The following XPO4 variants were observed in gnomAD, a reference collection of about 807,000 sequenced individuals.
XPO4 encodes the protein exportin-4.
A neutral mutation model predicts 143.0 loss-of-function variants in XPO4; 39 were observed. The observed-to-expected ratio is 0.27, with a 90% CI of 0.21 to 0.36. The LOEUF is 0.36. Ranked by LOEUF, XPO4 falls within the 10% of genes least tolerant of loss-of-function variation. The pLI, the probability that XPO4 is intolerant of heterozygous loss-of-function variation, is 1.00. For missense variants in XPO4, 907 were observed against 1,348.0 expected (o/e 0.67, Z 5.12); for synonymous variants, 439 against 474.0 (o/e 0.93, Z 0.96).
chr13:20,827,588 G>T (rs1652681244), intron 6 of XPO4, among the ~76,000 whole-genome samples: 1 of 152,074 alleles, frequency 6.6e-6, no homozygotes, highest in African/African-American at 2.4e-5. Flanking sequence ...TATACAAAAT[G>T]TGAGTTTCAT....
chr13:20,865,227 C>T (rs1381532964), intron 2 of XPO4, among the ~76,000 whole-genome samples: 1 of 152,006 alleles, frequency 6.6e-6, no homozygotes, highest in Non-Finnish European at 1.5e-5. Flanking sequence ...CAACCTCTGC[C>T]TCCCGGGTTC....
At chr13:20,872,075 G>C (rs994288958) in intron 1 of XPO4, among the ~76,000 whole-genome samples, 1 of 152,082 alleles carries the variant, frequency 6.6e-6, no homozygotes, top group South Asian at 2.1e-4. Flanking sequence ...CAGACAGTCC[G>C]GGAAACCTTT....
chr13:20,881,497 C>T (rs181895772), intron 1 of XPO4, among the ~76,000 whole-genome samples: 376 of 152,174 alleles, frequency 2.5e-3, no homozygotes, highest in African/African-American at 8.2e-3. Flanking sequence ...GCCTCGATCT[C>T]CTGACCTCAT....
At chr13:20,825,372 TAACTAA>T (rs1201272743) in intron 7 of XPO4, among the ~76,000 whole-genome samples, 1 of 152,214 alleles carries the variant, frequency 6.6e-6, no homozygotes, top group African/African-American at 2.4e-5. Context: ...TAAATTCATA[TAACTAA>T]AACTAAATTT....
At chr13:20,801,135 TA>T in intron 13 of XPO4, 145 bp from the exon 14 acceptor site, 1 of 883,248 alleles carries the variant, frequency 1.1e-6, no homozygotes, top group East Asian at 2.7e-5. Flanking sequence ...TACAGAGTTT[TA>T]GACAACTGTC....
At chr13:20,902,582 C>G in intron 1 of XPO4, 88 bp downstream of exon 1, 1 of 1,406,510 alleles carries the variant, frequency 7.1e-7, no homozygotes, top group Non-Finnish European at 9.3e-7. Flanking sequence ...CCTTGCCAGT[C>G]GCCAGCCCAG....
chr13:20,871,480 G>C (rs570840288), intron 1 of XPO4, among the ~76,000 whole-genome samples: 1 of 152,284 alleles, frequency 6.6e-6, no homozygotes, highest in East Asian at 1.9e-4. Context: ...CCACCACACA[G>C]GGCTAATTTT....
chr13:20,822,250 C>A lies in XPO4; in HGVS notation c.880G>T (p.Asp294Tyr). The A allele has an allele frequency of 6.2e-7, 1 of 1,613,450 alleles. No individual in the cohort carries two copies. Among genetic ancestry groups the A allele is most frequent in the Non-Finnish European group, 8.5e-7 (1 of 1,179,724 alleles). Reference protein sequence around the residue: ...KIREDSDMAQDSLQCLAQLAS... With the variant: ...KIREDSDMAQYSLQCLAQLAS... ...AACTGGGCAAGGCACTGCAGAGAAT[C>A]TTGTGCCATATCTGAATCTTCTCTG... Residue 294 changes from aspartate (D) to tyrosine (Y), a missense_variant, in exon 8 of 23, where the codon GAT becomes TAT. By Grantham distance (160) the Asp-to-Tyr change is radical. Coordinates refer to ENST00000255305, the MANE Select transcript of XPO4 (RefSeq NM_022459.5).
chr13:20,834,641 G>T (rs746640192), intron 6 of XPO4, among the ~76,000 whole-genome samples: 30 of 131,668 alleles, frequency 2.3e-4, no homozygotes, highest in South Asian at 5.7e-4. Context: ...AGTGTTGAAA[G>T]AAATAAAAAA....
At chr13:20,886,159 C>T (rs1337096551) in intron 1 of XPO4, among the ~76,000 whole-genome samples, 1 of 152,164 alleles carries the variant, frequency 6.6e-6, no homozygotes, top group Non-Finnish European at 1.5e-5. Context: ...ACTGACAACA[C>T]ACTAGACTGT....
intron 21 of XPO4, 88 bp downstream of exon 21, chr13:20,787,393 G>C: frequency 1.6e-6 from 2 of 1,252,010 alleles, no homozygotes; most frequent in South Asian, 2.5e-5. Context: ...AAGAATGGAA[G>C]CATTTCCTCA....
At chr13:20,791,610 G>C (rs976568230) in intron 18 of XPO4, among the ~76,000 whole-genome samples, 1 of 152,170 alleles carries the variant, frequency 6.6e-6, no homozygotes, top group African/African-American at 2.4e-5. Flanking sequence ...AATTTAGTTC[G>C]CAGCTTGCCA....
chr13:20,799,088 A>G, intron 16 of XPO4, 77 bp downstream of exon 16: 1 of 1,322,520 alleles, frequency 7.6e-7, no homozygotes, highest in South Asian at 1.9e-5. Flanking sequence ...GTCTCCAGAG[A>G]CTCTTACGGC....
Position 20,852,082 on chromosome 13 carries a change from T to C in XPO4, c.456+3545A>G, listed in dbSNP as rs573096055. On this transcript the variant is annotated intron_variant, in intron 4 of 22. Transcript: ENST00000255305. ...CGCCGTCCCAGTGCCAACAAGCTAC[T>C]TGTAGGGGGTGAGGGCAGGCCGCAT... The C allele has an allele frequency of 1.2e-5, 12 of 985,404 alleles. No individual in the cohort carries two copies. In the African/African-American group the frequency reaches 1.9e-4, roughly 16 times the overall value. The allele number at this position is 985,404 out of a possible 1,614,324, so 61.0% of individuals were successfully genotyped here.
chr13:20,869,242 T>C (rs1373313079), intron 1 of XPO4, among the ~76,000 whole-genome samples: 1 of 152,186 alleles, frequency 6.6e-6, no homozygotes, highest in Non-Finnish European at 1.5e-5. Flanking sequence ...ATGAAATGTA[T>C]TTCTGAATAA....
chr13:20,866,318 G>A lies in XPO4; in HGVS notation c.175+2278C>T, dbSNP rs546782184. 84 of 984,730 alleles carry A rather than the reference G, an allele frequency of 8.5e-5. No individual in the cohort carries two copies. The African/African-American group carries it at 1.2e-3, about 14-fold the overall frequency. 61.0% of individuals were successfully genotyped at this position (984,730 alleles called of 1,614,324 possible). ...AAAGGATAAGAAGAGAAAGAAATGA[G>A]GAAAAATGAGCAACATATAAAACTC... On this transcript the variant is annotated intron_variant, in intron 2 of 22. Coordinates refer to ENST00000255305, the MANE Select transcript of XPO4 (RefSeq NM_022459.5).
intron 6 of XPO4, among the ~76,000 whole-genome samples, chr13:20,833,773 T>A (rs2059881250): frequency 6.6e-6 from 1 of 151,876 alleles, no homozygotes; most frequent in Non-Finnish European, 1.5e-5. Context: ...TACAATTAGG[T>A]GATCAGGCAA....
intron 1 of XPO4, among the ~76,000 whole-genome samples, chr13:20,884,376 C>CT (rs2060442111): frequency 6.6e-6 from 1 of 152,046 alleles, no homozygotes; most frequent in African/African-American, 2.4e-5. Context: ...GACCCTGTCT[C>CT]TTAAAAATAA....
chr13:20,841,520 A>T (rs2059973298), intron 6 of XPO4, among the ~76,000 whole-genome samples: 1 of 152,278 alleles, frequency 6.6e-6, no homozygotes, highest in East Asian at 1.9e-4. Flanking sequence ...GAGAAAGATG[A>T]TTACAGAATA....
Sources: gnomAD v4.1 joint callset for allele counts (sites outside exome capture counted in the v4.1 genomes callset) on GRCh38, gnomAD v4.1.1 for gene constraint, MANE v1.5 for transcripts, NCBI Gene and HGNC (gene_info 2026-07-23, HGNC 2026-07-21) for gene names.